The following NPHP1 variants were observed in gnomAD, a reference collection of about 807,000 sequenced individuals.
NPHP1 encodes nephrocystin-1.
NPHP1 carries 70 observed loss-of-function variants against 90.4 expected under a neutral mutation model. That is an observed-to-expected ratio of 0.77 (90% CI 0.64 to 0.95). The LOEUF is 0.95. NPHP1 is among the 40% of genes least tolerant of loss of function. The probability of loss-of-function intolerance (pLI) is 0.00; values close to 1 mark genes in which losing one functional copy is unlikely to be tolerated. For synonymous variants in NPHP1, 256 were observed against 271.7 expected (o/e 0.94, Z 0.57); for missense variants, 764 against 795.9 (o/e 0.96, Z 0.48).
chr2:110,203,665 A>AT (rs1156903938), intron 1 of NPHP1, among the ~76,000 whole-genome samples: 1 of 152,124 alleles, frequency 6.6e-6, no homozygotes, highest in Non-Finnish European at 1.5e-5. Context: ...TTATAAAATA[A>AT]TTTTACTCAG....
rs532810539 is a variant in NPHP1, at chr2:110,173,226, C to A, written c.330-3228G>T. The stretch of plus-strand genomic sequence containing the variant: ...CCGCCTCAGCACAGGCGTGAGCCAC[C>A]GCACCTGGCCACATGCAGTGATTTC... On this transcript the variant is annotated intron_variant, in intron 4 of 19. Coordinates refer to ENST00000445609, the MANE Select transcript of NPHP1 (RefSeq NM_001128178.3). Among the ~76,000 whole-genome samples the A allele has an allele frequency of 4.6e-5, 7 of 152,106 alleles. No homozygotes were observed. In the East Asian group the frequency reaches 1.4e-3, roughly 29 times the overall value.
intron 18 of NPHP1, chr2:110,125,983 C>T (rs1281126683): frequency 4.8e-6 from 2 of 420,960 alleles, no homozygotes; most frequent in Non-Finnish European, 8.8e-6. Flanking sequence ...ACCACAGCAC[C>T]TGAATAATAA....
At chr2:110,194,079 AAT>A (rs1302368454) in intron 2 of NPHP1, among the ~76,000 whole-genome samples, 4 of 152,166 alleles carry the variant, frequency 2.6e-5, no homozygotes, top group African/African-American at 7.2e-5. Flanking sequence ...TTGACACCCT[AAT>A]ATCACAATTA....
chr2:110,182,383 G>C (rs957480778), intron 2 of NPHP1, among the ~76,000 whole-genome samples: 1 of 151,700 alleles, frequency 6.6e-6, no homozygotes, highest in Non-Finnish European at 1.5e-5. Context: ...GGCAGCCAGA[G>C]AGAAAGGCCA....
At chr2:110,192,121 C>A (rs1378314145) in intron 2 of NPHP1, among the ~76,000 whole-genome samples, 3 of 152,166 alleles carry the variant, frequency 2.0e-5, no homozygotes, top group Non-Finnish European at 4.4e-5. Context: ...CAAAGGATTG[C>A]AGCTCCTCAC....
chr2:110,127,497 A>T (rs1209292185), intron 18 of NPHP1: 2 of 152,150 alleles, frequency 1.3e-5, no homozygotes, highest in African/African-American at 4.8e-5. Flanking sequence ...AGATCCAGAG[A>T]TATTCACCAA....
chr2:110,203,762 T>C (rs563247227), intron 1 of NPHP1, among the ~76,000 whole-genome samples: 1 of 152,062 alleles, frequency 6.6e-6, no homozygotes, highest in Non-Finnish European at 1.5e-5. Flanking sequence ...TGCTATTTAC[T>C]TTTTTCTTAT....
intron 2 of NPHP1, among the ~76,000 whole-genome samples, chr2:110,195,796 C>A (rs193125588): frequency 5.2e-4 from 79 of 152,074 alleles, no homozygotes; most frequent in Admixed American, 9.2e-4. Flanking sequence ...GTACTGGTAC[C>A]AAAACAGAGA....
chr2:110,136,553 T>C (rs1161901699), intron 16 of NPHP1, among the ~76,000 whole-genome samples: 3 of 152,128 alleles, frequency 2.0e-5, no homozygotes, highest in South Asian at 2.1e-4. Flanking sequence ...AGCCAAATCA[T>C]GAGTGAACTC....
intron 5 of NPHP1, among the ~76,000 whole-genome samples, chr2:110,169,424 G>A (rs563165214): frequency 1.3e-5 from 2 of 152,220 alleles, no homozygotes; most frequent in Middle Eastern, 3.4e-3. Flanking sequence ...AAGCATGGAT[G>A]TAAGCCCCTC....
Position 110,143,102 on chromosome 2 carries a change from T to C in NPHP1, c.1529+440A>G, listed in dbSNP as rs78587260. ...GAGCTGACTACAAAGGGGCATGAGA[T>C]AACTTTTTAGAGTGAGGGAAAGTTC... On this transcript the variant is annotated intron_variant, in intron 16 of 19. Coordinates refer to ENST00000445609, the MANE Select transcript of NPHP1 (RefSeq NM_001128178.3). Among the ~76,000 whole-genome samples, 7 of 152,318 alleles carry C rather than the reference T, an allele frequency of 4.6e-5. No homozygotes were observed. The East Asian group carries it at 1.3e-3, about 29-fold the overall frequency.
At chr2:110,149,428 T>A (rs1278174826) in intron 12 of NPHP1, among the ~76,000 whole-genome samples, 1 of 152,006 alleles carries the variant, frequency 6.6e-6, no homozygotes, top group Admixed American at 6.6e-5. Flanking sequence ...AGAGGAAGGG[T>A]GCTAAGAAGA....
At chr2:110,164,925 A>T (rs1175531656) in intron 7 of NPHP1, 127 bp downstream of exon 7, 2 of 883,974 alleles carry the variant, frequency 2.3e-6, no homozygotes, top group African/African-American at 3.3e-5. Context: ...AGCAGACAAT[A>T]GTATGAAAAG....
At chr2:110,133,961 C>T (rs1423000958) in intron 16 of NPHP1, among the ~76,000 whole-genome samples, 1 of 151,362 alleles carries the variant, frequency 6.6e-6, no homozygotes, top group East Asian at 1.9e-4. Flanking sequence ...AACTTTATGC[C>T]CTAAGGAACT....
At chr2:110,181,479 C>A (rs1307672885) in intron 2 of NPHP1, among the ~76,000 whole-genome samples, 1 of 152,150 alleles carries the variant, frequency 6.6e-6, no homozygotes, top group Non-Finnish European at 1.5e-5. Flanking sequence ...ACTGGTGATA[C>A]TTCCAGGTAT....
chr2:110,137,893 C>G (rs1202205771), intron 16 of NPHP1, among the ~76,000 whole-genome samples: 3 of 150,662 alleles, frequency 2.0e-5, no homozygotes, highest in African/African-American at 7.4e-5. Context: ...TATTGCGGCA[C>G]TATTCACAAT....
At chr2:110,186,464 C>T (rs534771244) in intron 2 of NPHP1, among the ~76,000 whole-genome samples, 2 of 152,066 alleles carry the variant, frequency 1.3e-5, no homozygotes, top group Non-Finnish European at 2.9e-5. Flanking sequence ...AGGGAGAGGG[C>T]CAGACCAGAG....
intron 2 of NPHP1, among the ~76,000 whole-genome samples, chr2:110,183,421 C>T (rs990122175): frequency 3.9e-5 from 6 of 152,118 alleles, no homozygotes; most frequent in Non-Finnish European, 1.5e-5. Context: ...CTTTATTTCC[C>T]GTAAGGAATA....
intron 6 of NPHP1, among the ~76,000 whole-genome samples, chr2:110,166,465 G>GT (rs772075017): frequency 9.2e-5 from 14 of 152,130 alleles, no homozygotes; most frequent in Non-Finnish European, 1.6e-4. Flanking sequence ...ACAGTTGAAA[G>GT]TTTTTTTGTG....
Sources: allele counts gnomAD v4.1 joint callset (sites outside exome capture counted in the v4.1 genomes callset), GRCh38; gene constraint gnomAD v4.1.1; transcripts MANE v1.5; gene names NCBI Gene and HGNC (gene_info 2026-07-23, HGNC 2026-07-21).